MDGA2: variants seen among roughly 807,000 people sequenced by gnomAD.
MDGA2 encodes MAM domain-containing glycosylphosphatidylinositol anchor protein 2.
In MDGA2, 40 loss-of-function variants were observed where a neutral mutation model predicts 117.8. That is an observed-to-expected ratio of 0.34 (90% confidence interval 0.26 to 0.44). The LOEUF (loss-of-function observed/expected upper bound fraction) is 0.44, where lower values mean the gene tolerates loss of function less well. Ranked by LOEUF, MDGA2 falls within the 20% of genes least tolerant of loss-of-function variation. The pLI is 1.00. For missense variants in MDGA2, 1,123 were observed against 1,250.6 expected, an observed-to-expected ratio of 0.90 and a Z score of 1.54; for synonymous variants, 452 against 439.0, an observed-to-expected ratio of 1.03 and a Z score of -0.37.
intron 3 of MDGA2, among the ~76,000 whole-genome samples, chr14:47,212,282 TAAAG>T (rs1885912920): frequency 6.6e-6 from 1 of 152,164 alleles, no homozygotes; most frequent in African/African-American, 2.4e-5. Context: ...TATGAATAAA[TAAAG>T]TGTGAGTATA....
At chr14:47,293,321 A>G (rs377151850) in intron 2 of MDGA2, among the ~76,000 whole-genome samples, 112 of 152,356 alleles carry the variant, frequency 7.4e-4, no homozygotes, top group Admixed American at 1.4e-3. Context: ...ATAACGGCAT[A>G]TTAGGACTAG....
At chr14:47,448,733 G>C (rs568430428) in intron 1 of MDGA2, among the ~76,000 whole-genome samples, 3 of 152,100 alleles carry the variant, frequency 2.0e-5, no homozygotes. Context: ...ATTATCAAGC[G>C]TAAGAAAGAG....
intron 10 of MDGA2, among the ~76,000 whole-genome samples, chr14:46,909,381 AT>A (rs554639651): frequency 3.3e-5 from 5 of 152,082 alleles, no homozygotes; most frequent in Admixed American, 1.3e-4. Context: ...AAGGAAGAAC[AT>A]TTTTTTTCCC....
chr14:47,169,269 T>G (rs1252315398), intron 3 of MDGA2, among the ~76,000 whole-genome samples: 1 of 151,944 alleles, frequency 6.6e-6, no homozygotes, highest in Non-Finnish European at 1.5e-5. Flanking sequence ...TAATTTCCTT[T>G]CAGAATATTT....
intron 1 of MDGA2, among the ~76,000 whole-genome samples, chr14:47,324,345 G>A (rs1594796461): frequency 6.6e-6 from 1 of 152,270 alleles, no homozygotes; most frequent in African/African-American, 2.4e-5. Context: ...AGATACATTG[G>A]TGTTACCCAT....
intron 2 of MDGA2, among the ~76,000 whole-genome samples, chr14:47,291,911 G>A (rs962809700): frequency 1.3e-5 from 2 of 152,176 alleles, no homozygotes; most frequent in African/African-American, 2.4e-5. Context: ...CCCTGATCTA[G>A]GGCAGATATG....
intron 3 of MDGA2, 66 bp from the exon 4 acceptor site, chr14:47,144,340 T>C: frequency 8.0e-7 from 1 of 1,250,324 alleles, no homozygotes; most frequent in Non-Finnish European, 1.1e-6. Context: ...GTATTGTGCT[T>C]ATATAACCCA....
intron 9 of MDGA2, 41 bp from the exon 10 acceptor site, chr14:46,920,201 T>G (rs753382709): frequency 6.3e-7 from 1 of 1,586,102 alleles, no homozygotes; most frequent in African/African-American, 1.4e-5. Context: ...TGATGACATA[T>G]TGTAGTGTAA....
chr14:47,607,408 G>T (rs1896761624), intron 1 of MDGA2, among the ~76,000 whole-genome samples: 1 of 151,996 alleles, frequency 6.6e-6, no homozygotes. Flanking sequence ...CAGCTAAGAA[G>T]GAAAATATAA....
At position 47,237,861 on chromosome 14, in the gene MDGA2, T is replaced by G. The variant is rs1025699512; in HGVS notation, c.421-19666A>C. Among the ~76,000 whole-genome samples the G allele has an allele frequency of 8.5e-5, 13 of 152,248 alleles. No homozygotes were observed. In the East Asian group the frequency reaches 1.9e-3, roughly 23 times the overall value. On this transcript the variant is annotated intron_variant, in intron 2 of 16. Coordinates refer to ENST00000399232, the MANE Select transcript of MDGA2 (RefSeq NM_001113498.3). ...AGGTCCACCTTCCATTCTTGACCCCTCTAATCTATGTCCCAAATTGCAGCC... is the reference window on the plus strand; with the variant it reads ...AGGTCCACCTTCCATTCTTGACCCCGCTAATCTATGTCCCAAATTGCAGCC...
chr14:47,508,352 A>ACTCTCTCTCTCTCT (rs3039658), intron 1 of MDGA2, among the ~76,000 whole-genome samples: 3,440 of 132,674 alleles, frequency 0.026, 94 homozygotes, highest in Admixed American at 0.043. Flanking sequence ...TTGCTGATTG[A>ACTCTCTCTCTCTCT]CTCTCTCTCT....
At chr14:47,080,008 G>C (rs1890650117) in intron 6 of MDGA2, among the ~76,000 whole-genome samples, 1 of 152,152 alleles carries the variant, frequency 6.6e-6, no homozygotes, top group Admixed American at 6.5e-5. Flanking sequence ...TGGGATTACA[G>C]GCGTGAGCCA....
At chr14:47,502,727 T>A (rs527445795) in intron 1 of MDGA2, among the ~76,000 whole-genome samples, 39 of 152,244 alleles carry the variant, frequency 2.6e-4, no homozygotes, top group African/African-American at 8.9e-4. Context: ...GTAGTTGAAG[T>A]GCAGTGGCGT....
chr14:47,180,658 T>C (rs1884664115), intron 3 of MDGA2, among the ~76,000 whole-genome samples: 1 of 152,062 alleles, frequency 6.6e-6, no homozygotes, highest in Non-Finnish European at 1.5e-5. Flanking sequence ...ATGGCTATTA[T>C]TAAAGTCACG....
At chr14:47,131,951 G>T in intron 4 of MDGA2, 105 bp from the exon 5 acceptor site, 4 of 856,220 alleles carry the variant, frequency 4.7e-6, no homozygotes, top group Non-Finnish European at 6.5e-6. Flanking sequence ...ATTATTATCA[G>T]AATATGACAG....
chr14:46,968,429 CAAGAAA>C (rs1419067544), intron 8 of MDGA2, among the ~76,000 whole-genome samples: 2 of 151,942 alleles, frequency 1.3e-5, no homozygotes, highest in African/African-American at 4.8e-5. Context: ...AGCAATTAGG[CAAGAAA>C]AAGAAATAAA....
At chr14:47,352,562 G>T (rs1890907538) in intron 1 of MDGA2, among the ~76,000 whole-genome samples, 1 of 152,162 alleles carries the variant, frequency 6.6e-6, no homozygotes, top group Admixed American at 6.5e-5. Flanking sequence ...GCAACTGACA[G>T]TTCTTACATT....
chr14:47,086,794 G>T (rs753626384), intron 6 of MDGA2, among the ~76,000 whole-genome samples: 8 of 152,032 alleles, frequency 5.3e-5, no homozygotes, highest in Non-Finnish European at 1.2e-4. Context: ...ATCCTCTGAG[G>T]AATTTTTTCT....
At chr14:47,360,090 G>T (rs897852609) in intron 1 of MDGA2, among the ~76,000 whole-genome samples, 11 of 152,018 alleles carry the variant, frequency 7.2e-5, no homozygotes, top group African/African-American at 2.4e-4. Flanking sequence ...AGTGGCTCAT[G>T]CCTGTAATCC....
Sources: allele counts gnomAD v4.1 joint callset (sites outside exome capture counted in the v4.1 genomes callset), GRCh38; gene constraint gnomAD v4.1.1; transcripts MANE v1.5; gene names NCBI Gene and HGNC (gene_info 2026-07-23, HGNC 2026-07-21).